The following NCAM2 variants were observed in gnomAD, a reference collection of about 807,000 sequenced individuals.
NCAM2 encodes N-CAM-2.
Under a neutral mutation model 98.1 loss-of-function variants are expected in NCAM2, and 30 were observed. That is an observed-to-expected ratio of 0.31 (90% CI 0.23 to 0.41). The LOEUF (loss-of-function observed/expected upper bound fraction) is 0.41, where lower values mean the gene tolerates loss of function less well. Among genes scored for constraint, NCAM2 ranks in the 10% least tolerant of loss-of-function variants. NCAM2 has a pLI of 1.00. For missense variants in NCAM2, 867 were observed against 1,005.8 expected (o/e 0.86, Z 1.87); for synonymous variants, 368 against 342.4 (o/e 1.07, Z -0.83).
Position 21,051,026 on chromosome 21 carries a change from A to G in NCAM2, c.55+52408A>G, listed in dbSNP as rs575105918. Among the ~76,000 whole-genome samples, 14 of 152,302 alleles carry G rather than the reference A, an allele frequency of 9.2e-5. No homozygotes were observed. In the South Asian group the frequency reaches 2.7e-3, roughly 29 times the overall value. Reference sequence around the variant, plus strand: ...CTGGACCCAATGCCACTTGGTGTCCACCGTGATATGTGGTGCAAATAACCC... The same window carrying G: ...CTGGACCCAATGCCACTTGGTGTCCGCCGTGATATGTGGTGCAAATAACCC... On this transcript the variant is annotated intron_variant, in intron 1 of 17. Transcript: ENST00000400546.
At chr21:21,489,238 T>A (rs62216090) in intron 15 of NCAM2, among the ~76,000 whole-genome samples, 2,115 of 152,178 alleles carry the variant, frequency 0.014, 24 homozygotes, top group Non-Finnish European at 0.023. Flanking sequence ...CAATTGATCC[T>A]CCTGCTTCAG....
Position 21,542,359 on chromosome 21 carries a change from C to T in NCAM2, c.*4402C>T, listed in dbSNP as rs968656603. The T allele has an allele frequency of 6.7e-6, 1 of 149,258 alleles. No homozygotes were observed. The highest frequency in any genetic ancestry group is 2.4e-5 in the African/African-American group (1 of 41,294). 9.2% of individuals were successfully genotyped at this position (149,258 alleles called of 1,614,324 possible). A position where few individuals can be genotyped will look rare whatever the true frequency, so the allele number is the denominator to read the frequency against. On this transcript the variant is annotated 3_prime_UTR_variant, in exon 18 of 18. Coordinates refer to ENST00000400546, the MANE Select transcript of NCAM2 (RefSeq NM_004540.5). ...ATAATGCTAAATATTTATTTGATAACACAATATTCTTAGAAAAATAGTTTA... is the reference window on the plus strand; with the variant it reads ...ATAATGCTAAATATTTATTTGATAATACAATATTCTTAGAAAAATAGTTTA...
chr21:21,203,706 G>A (rs1568763662), intron 1 of NCAM2, among the ~76,000 whole-genome samples: 1 of 152,110 alleles, frequency 6.6e-6, no homozygotes, highest in Non-Finnish European at 1.5e-5. Context: ...TTCTGTAATA[G>A]GCAACAGTGT....
At chr21:21,258,048 A>G (rs902190512) in intron 1 of NCAM2, among the ~76,000 whole-genome samples, 1 of 152,210 alleles carries the variant, frequency 6.6e-6, no homozygotes, top group East Asian at 1.9e-4. Flanking sequence ...ACTTGTGAGT[A>G]AAGGGACTGA....
At position 21,290,820 on chromosome 21, in the gene NCAM2, C is replaced by T. The variant is rs147753681; in HGVS notation, c.482-1284C>T. ...CTTCTCCCCTCTCATTAAGGAACGG[C>T]TATGACAAATTTGCCCCCAAATTGG... is the stretch of plus-strand genomic sequence containing the variant. On this transcript the variant is annotated intron_variant, in intron 4 of 17. Transcript: ENST00000400546. Among the ~76,000 whole-genome samples, 264 of 151,930 alleles carry T rather than the reference C, an allele frequency of 1.7e-3. 2 individuals carry two copies. The Middle Eastern group carries it at 0.041, about 23-fold the overall frequency.
chr21:21,015,147 C>A (rs1217874172), intron 1 of NCAM2, among the ~76,000 whole-genome samples: 1 of 152,114 alleles, frequency 6.6e-6, no homozygotes, highest in Admixed American at 6.5e-5. Flanking sequence ...ATGTTCTGAA[C>A]CTTATTGAAA....
At chr21:21,501,574 G>T (rs1987636000) in intron 15 of NCAM2, among the ~76,000 whole-genome samples, 1 of 149,666 alleles carries the variant, frequency 6.7e-6, no homozygotes, top group Admixed American at 6.7e-5. Flanking sequence ...TATTTTATTA[G>T]ACAGTCAATC....
At chr21:21,461,897 G>A (rs1040728502) in intron 12 of NCAM2, among the ~76,000 whole-genome samples, 4 of 151,956 alleles carry the variant, frequency 2.6e-5, no homozygotes, top group Admixed American at 6.6e-5. Context: ...GAAGTCATTC[G>A]TACGTGTGGA....
chr21:21,323,366 A>T (rs1351595773), intron 5 of NCAM2, among the ~76,000 whole-genome samples: 1 of 152,164 alleles, frequency 6.6e-6, no homozygotes, highest in East Asian at 1.9e-4. Flanking sequence ...TAAGTTACAT[A>T]CCAGTTCTTA....
At chr21:21,162,584 T>C (rs1183786815) in intron 1 of NCAM2, among the ~76,000 whole-genome samples, 1 of 151,972 alleles carries the variant, frequency 6.6e-6, no homozygotes, top group Non-Finnish European at 1.5e-5. Context: ...AAAAGAAAGG[T>C]CCTCTCAAGT....
intron 1 of NCAM2, among the ~76,000 whole-genome samples, chr21:21,189,844 T>G (rs2068762120): frequency 6.6e-6 from 1 of 152,202 alleles, no homozygotes; most frequent in Non-Finnish European, 1.5e-5. Context: ...TGCTCTAGTC[T>G]TTTCTGGTCA....
At chr21:21,168,849 C>T (rs528127582) in intron 1 of NCAM2, among the ~76,000 whole-genome samples, 9 of 152,166 alleles carry the variant, frequency 5.9e-5, no homozygotes, top group African/African-American at 1.9e-4. Context: ...TGAATATTGT[C>T]AGGATGCCAG....
intron 1 of NCAM2, among the ~76,000 whole-genome samples, chr21:21,239,063 G>GTTGA (rs946901308): frequency 9.9e-5 from 15 of 152,086 alleles, no homozygotes; most frequent in African/African-American, 3.6e-4. Flanking sequence ...GGGGGGTGGG[G>GTTGA]TTGACATTGT....
At chr21:21,109,979 G>T (rs1476859177) in intron 1 of NCAM2, among the ~76,000 whole-genome samples, 3 of 152,220 alleles carry the variant, frequency 2.0e-5, no homozygotes, top group Non-Finnish European at 2.9e-5. Flanking sequence ...AGTATGTAAT[G>T]TGTTTTGTCT....
intron 16 of NCAM2, among the ~76,000 whole-genome samples, chr21:21,512,683 T>C (rs981156219): frequency 7.9e-5 from 12 of 152,062 alleles, no homozygotes; most frequent in African/African-American, 2.7e-4. Flanking sequence ...TTGAGTAGTA[T>C]GGACATTTTG....
chr21:21,446,565 A>G (rs945277885), intron 12 of NCAM2, among the ~76,000 whole-genome samples: 2 of 152,096 alleles, frequency 1.3e-5, no homozygotes, highest in Non-Finnish European at 2.9e-5. Flanking sequence ...ATCAGGCAAG[A>G]GAAAGAAATA....
intron 1 of NCAM2, among the ~76,000 whole-genome samples, chr21:21,150,031 AAC>A (rs1410126684): frequency 6.6e-6 from 1 of 152,164 alleles, no homozygotes; most frequent in Non-Finnish European, 1.5e-5. Context: ...CAGTCCCACC[AAC>A]AGTGTAAAAG....
intron 1 of NCAM2, among the ~76,000 whole-genome samples, chr21:21,005,383 A>T (rs2064092846): frequency 1.3e-5 from 2 of 152,024 alleles, no homozygotes; most frequent in African/African-American, 4.8e-5. Context: ...ATTTAACAGA[A>T]AAAAAAGGTT....
intron 6 of NCAM2, among the ~76,000 whole-genome samples, chr21:21,330,125 T>C (rs1019339141): frequency 2.0e-5 from 3 of 152,124 alleles, no homozygotes; most frequent in Non-Finnish European, 4.4e-5. Context: ...TATTTCTTTT[T>C]TGTTTCCTAT....
Sources: gnomAD v4.1 joint callset for allele counts (sites outside exome capture counted in the v4.1 genomes callset) on GRCh38, gnomAD v4.1.1 for gene constraint, MANE v1.5 for transcripts, NCBI Gene and HGNC (gene_info 2026-07-23, HGNC 2026-07-21) for gene names.